ERI1: variants seen among roughly 807,000 people sequenced by gnomAD.
ERI1 encodes 3'-5' exoribonuclease 1.
In ERI1, 39 loss-of-function variants were observed where a neutral mutation model predicts 39.7. That is an observed-to-expected ratio of 0.98 (90% CI 0.76 to 1.28). The LOEUF (loss-of-function observed/expected upper bound fraction) is 1.28. Among genes scored for constraint, ERI1 ranks in the 50% most tolerant of loss-of-function variants. The pLI is 0.00. For missense variants in ERI1, 581 were observed against 416.9 expected (o/e 1.39, Z -3.43); for synonymous variants, 204 against 149.6 (o/e 1.36, Z -2.65).
chr8:9,061,248 G>T (rs1798685647), intron 3 of ERI1, among the ~76,000 whole-genome samples: 1 of 152,252 alleles, frequency 6.6e-6, no homozygotes, highest in African/African-American at 2.4e-5. Flanking sequence ...GGGAAATGGG[G>T]TGAATGTCAG....
chr8:9,047,914 C>A (rs1295647133), intron 3 of ERI1, among the ~76,000 whole-genome samples: 2 of 152,210 alleles, frequency 1.3e-5, no homozygotes, highest in East Asian at 1.9e-4. Context: ...GTTCCAGATG[C>A]CTTGGCTTGA....
chr8:9,004,692 T>TC (rs1441065522), intron 1 of ERI1, among the ~76,000 whole-genome samples: 1 of 148,062 alleles, frequency 6.8e-6, no homozygotes, highest in East Asian at 2.0e-4. Context: ...TACTTTTTTT[T>TC]TTTTTTTTTT....
At chr8:9,003,554 C>T (rs945945974) in intron 1 of ERI1, among the ~76,000 whole-genome samples, 2 of 152,236 alleles carry the variant, frequency 1.3e-5, no homozygotes, top group African/African-American at 4.8e-5. Context: ...TATGTCACTT[C>T]ATGCCTGTTT....
chr8:9,020,909 C>CTGTTTT (rs1001250355), intron 6 of ERI1, among the ~76,000 whole-genome samples: 8 of 152,194 alleles, frequency 5.3e-5, no homozygotes, highest in East Asian at 3.9e-4. Context: ...ATGTAAAGCT[C>CTGTTTT]TGTTTTTGTT....
intron 3 of ERI1, among the ~76,000 whole-genome samples, chr8:9,078,008 G>C (rs1799260550): frequency 6.6e-6 from 1 of 151,772 alleles, no homozygotes; most frequent in South Asian, 2.1e-4. Flanking sequence ...TTTTTCTTTT[G>C]AGACAGAGTC....
Position 9,003,119 on chromosome 8 carries a change from T to A in ERI1, c.56T>A (p.Leu19Gln). The A allele has an allele frequency of 8.0e-7, 1 of 1,246,406 alleles. No individual in the cohort carries two copies. Among genetic ancestry groups the A allele is most frequent in the Non-Finnish European group, 1.0e-6 (1 of 990,360 alleles). The allele number at this position is 1,246,406 out of a possible 1,614,324, so 77.2% of individuals were successfully genotyped here. A position where few individuals can be genotyped will look rare whatever the true frequency, so the allele number is the denominator to read the frequency against. ...PAGEAVALAL[L>Q]ESPRPEGGEE... is the part of the protein sequence containing the mutation. Reference sequence around the variant, plus strand: ...GGCGAGGCCGTGGCTCTCGCGCTGCTGGAGTCGCCGCGGCCGGAGGGCGGG... The same window carrying A: ...GGCGAGGCCGTGGCTCTCGCGCTGCAGGAGTCGCCGCGGCCGGAGGGCGGG... Residue 19 changes from leucine to glutamine, a missense_variant, in exon 1 of 7, where the codon CTG becomes CAG. Leu to Gln is a moderately radical substitution (Grantham distance 113). Transcript: ENST00000250263.
intron 3 of ERI1, 105 bp downstream of exon 3, chr8:9,011,857 T>A (rs1816707423): frequency 1.3e-6 from 1 of 794,872 alleles, no homozygotes; most frequent in Non-Finnish European, 1.9e-6. Context: ...ATTAGACTTC[T>A]AAAGTAAGTT....
chr8:9,090,868 C>G (rs1799680585), intron 3 of ERI1, among the ~76,000 whole-genome samples: 1 of 152,100 alleles, frequency 6.6e-6, no homozygotes. Context: ...AGAAATATTC[C>G]AAGCTGTTTC....
At chr8:9,013,162 G>A (rs184577934) in intron 3 of ERI1, among the ~76,000 whole-genome samples, 1 of 151,908 alleles carries the variant, frequency 6.6e-6, no homozygotes, top group Admixed American at 6.6e-5. Context: ...ATACAGGTGT[G>A]TGTCACCACG....
chr8:9,009,812 G>A (rs894445755), intron 2 of ERI1, among the ~76,000 whole-genome samples: 5 of 152,208 alleles, frequency 3.3e-5, no homozygotes, highest in Middle Eastern at 3.2e-3. Flanking sequence ...GATTATAGAC[G>A]TGAGCCATCT....
chr8:9,029,543 C>G (rs918485335), intron 6 of ERI1, among the ~76,000 whole-genome samples: 1 of 152,180 alleles, frequency 6.6e-6, no homozygotes, highest in Non-Finnish European at 1.5e-5. Flanking sequence ...GTTCGCCAGG[C>G]TGGTCTCATA....
intron 6 of ERI1, among the ~76,000 whole-genome samples, chr8:9,023,129 T>C (rs1020061007): frequency 9.9e-5 from 15 of 152,248 alleles, no homozygotes; most frequent in Non-Finnish European, 2.1e-4. Flanking sequence ...TTTTAGTCTT[T>C]GATATGTTTG....
intron 3 of ERI1, among the ~76,000 whole-genome samples, chr8:9,054,815 C>G (rs879908704): frequency 3.3e-5 from 5 of 152,314 alleles, no homozygotes; most frequent in South Asian, 2.1e-4. Context: ...GTAATCCCAG[C>G]TAGTCAGGAG....
At chr8:9,010,586 CATTA>C (rs1330972450) in intron 2 of ERI1, among the ~76,000 whole-genome samples, 1 of 151,926 alleles carries the variant, frequency 6.6e-6, no homozygotes, top group Non-Finnish European at 1.5e-5. Context: ...TTTAAATAGT[CATTA>C]ATCAGTTAAC....
At chr8:9,051,468 C>A (rs907486777) in intron 3 of ERI1, among the ~76,000 whole-genome samples, 1 of 151,976 alleles carries the variant, frequency 6.6e-6, no homozygotes, top group African/African-American at 2.4e-5. Context: ...AACAGCCTGG[C>A]CAACATGGTG....
At chr8:9,038,551 G>C (rs78244955) in intron 3 of ERI1, among the ~76,000 whole-genome samples, 1,772 of 152,330 alleles carry the variant, frequency 0.012, 33 homozygotes, top group African/African-American at 0.041. Context: ...CTTGAGCTCA[G>C]TTCTGGACCA....
intron 3 of ERI1, among the ~76,000 whole-genome samples, chr8:9,012,544 T>G (rs1166315036): frequency 6.6e-6 from 1 of 152,196 alleles, no homozygotes; most frequent in Non-Finnish European, 1.5e-5. Flanking sequence ...TTAGTTATAG[T>G]CTTAGCCTAT....
At chr8:9,086,852 C>T (rs990519113) in intron 3 of ERI1, among the ~76,000 whole-genome samples, 1 of 152,102 alleles carries the variant, frequency 6.6e-6, no homozygotes, top group East Asian at 1.9e-4. Context: ...AACCATTATT[C>T]TGTATGTTTT....
intron 3 of ERI1, among the ~76,000 whole-genome samples, chr8:9,098,936 T>C (rs139106231): frequency 0.053 from 8,120 of 152,152 alleles, 287 homozygotes; most frequent in Non-Finnish European, 0.081. Context: ...CAAGCTCAAA[T>C]GATTCTCCTG....
Sources: gnomAD v4.1 joint callset for allele counts (sites outside exome capture counted in the v4.1 genomes callset) on GRCh38, gnomAD v4.1.1 for gene constraint, MANE v1.5 for transcripts, NCBI Gene and HGNC (gene_info 2026-07-23, HGNC 2026-07-21) for gene names.